Variants in GPAT4 observed in about 807,000 individuals in gnomAD.
GPAT4 encodes glycerol-3-phosphate acyltransferase 4.
In GPAT4, 17 loss-of-function variants were observed where a neutral mutation model predicts 58.0. The observed-to-expected ratio is 0.29, with a 90% CI of 0.20 to 0.44. The LOEUF (loss-of-function observed/expected upper bound fraction) is 0.44. GPAT4 is among the 20% of genes least tolerant of loss of function. The pLI is 1.00. For missense variants in GPAT4, 377 were observed against 574.5 expected (o/e 0.66, Z 3.51); for synonymous variants, 204 against 210.1 (o/e 0.97, Z 0.25).
chr8:41,609,593 CTG>C, intron 3 of GPAT4, 60 bp from the exon 4 acceptor site: 13 of 1,602,758 alleles, frequency 8.1e-6, no homozygotes, highest in Non-Finnish European at 1.1e-5. Flanking sequence ...GATGTGTGCT[CTG>C]AGTATGTCTC....
At chr8:41,607,972 C>G (rs1012491345) in intron 2 of GPAT4, among the ~76,000 whole-genome samples, 2 of 152,204 alleles carry the variant, frequency 1.3e-5, no homozygotes, top group African/African-American at 2.4e-5. Flanking sequence ...CACCTCTTCT[C>G]TAGTTCCAGG....
intron 2 of GPAT4, among the ~76,000 whole-genome samples, chr8:41,604,324 G>T (rs1456015428): frequency 6.6e-6 from 1 of 152,202 alleles, no homozygotes; most frequent in Non-Finnish European, 1.5e-5. Context: ...CCAGGAGAAA[G>T]TATTTGTGTA....
chr8:41,619,391 A>G (rs1803686931), intron 12 of GPAT4: 1 of 210,746 alleles, frequency 4.7e-6, no homozygotes, highest in African/African-American at 2.3e-5. Context: ...GTTACCTAAT[A>G]GAGCAGGATT....
intron 5 of GPAT4, among the ~76,000 whole-genome samples, chr8:41,611,061 A>G (rs529192062): frequency 6.6e-6 from 1 of 152,212 alleles, no homozygotes; most frequent in East Asian, 1.9e-4. Context: ...ACCTGTCTCT[A>G]CTAAAAATAC....
chr8:41,591,914 T>C (rs1012767527), intron 1 of GPAT4, among the ~76,000 whole-genome samples: 7 of 152,354 alleles, frequency 4.6e-5, no homozygotes, highest in African/African-American at 1.7e-4. Context: ...TCTGAGTTTC[T>C]TGCCAGGCCA....
chr8:41,610,686 CT>C, intron 4 of GPAT4, 49 bp from the exon 5 acceptor site: 1 of 1,595,904 alleles, frequency 6.3e-7, no homozygotes, highest in South Asian at 1.1e-5. Context: ...CAGTTCTGTA[CT>C]TGGTAGAATG....
At chr8:41,582,095 C>T (rs1802531306) in intron 1 of GPAT4, among the ~76,000 whole-genome samples, 2 of 146,730 alleles carry the variant, frequency 1.4e-5, no homozygotes, top group African/African-American at 5.1e-5. Context: ...TGCAACCCTC[C>T]ACCTCCTGAG....
In GPAT4 at chr8:41,623,775, A is replaced by G. The variant is rs1242512461; in HGVS notation, c.*2774A>G. ...TGCTCTCAGGCTGGGCAGTATCTTC[A>G]TTGTGGTTCTCAGACAGCCTTTTTT... On this transcript the variant is annotated 3_prime_UTR_variant, in exon 13 of 13. Transcript: ENST00000396987. 1 of 120,398 alleles carries G rather than the reference A, an allele frequency of 8.3e-6. No individual in the cohort carries two copies. Among genetic ancestry groups the G allele is most frequent in the Admixed American group, 8.3e-5 (1 of 12,070 alleles). The allele number at this position is 120,398 out of a possible 1,614,324, so 7.5% of individuals were successfully genotyped here. A position where few individuals can be genotyped will look rare whatever the true frequency, so the allele number is the denominator to read the frequency against.
intron 1 of GPAT4, among the ~76,000 whole-genome samples, chr8:41,579,543 A>G (rs1802454661): frequency 1.3e-5 from 2 of 152,196 alleles, no homozygotes; most frequent in Non-Finnish European, 2.9e-5. Flanking sequence ...GAACAGGTTA[A>G]AAGAAAAAGT....
chr8:41,585,209 T>C (rs74851515), intron 1 of GPAT4, among the ~76,000 whole-genome samples: 1 of 152,212 alleles, frequency 6.6e-6, no homozygotes, highest in Admixed American at 6.5e-5. Flanking sequence ...TACATTACAG[T>C]TGGGGCATTT....
rs529657561 is a variant in GPAT4, at chr8:41,612,107, T to C, written c.702-73T>C. 38 of 1,587,814 alleles carry C rather than the reference T, an allele frequency of 2.4e-5. No individual in the cohort carries two copies. The African/African-American group carries it at 4.0e-4, about 17-fold the overall frequency. On this transcript the variant is annotated intron_variant, in intron 6 of 12. Transcript: ENST00000396987. Reference sequence around the variant, plus strand: ...GCTTTTAGTTAGAGCAGATGAAGCATGTGAGGTGAGAGGTGTGTTACATGA... The same window carrying C: ...GCTTTTAGTTAGAGCAGATGAAGCACGTGAGGTGAGAGGTGTGTTACATGA...
Position 41,609,902 on chromosome 8 carries a change from G to T in GPAT4, c.483G>T (p.Thr161=), listed in dbSNP as rs201136934. Residue 161 remains threonine, a synonymous_variant, in exon 4 of 13, where the codon ACG becomes ACT. Transcript: ENST00000396987. The stretch of plus-strand genomic sequence containing the variant: ...TCCAGTACATCAGCCTTCGGCTCAC[G>T]GTCCTGTGGGGGTTAGGAGTGCTGA... ...YNFQYISLRL[T]VLWGLGVLIR... is the part of the protein sequence containing the mutation. 1.2e-6 allele frequency: 2 copies of T among 1,614,092 alleles called. No homozygotes were observed. Among genetic ancestry groups the T allele is most frequent in the East Asian group, 4.5e-5 (2 of 44,876 alleles).
chr8:41,605,482 A>G (rs534854700), intron 2 of GPAT4, among the ~76,000 whole-genome samples: 2 of 152,348 alleles, frequency 1.3e-5, no homozygotes, highest in Non-Finnish European at 2.9e-5. Context: ...AACACGGCGC[A>G]TGGAGGGAAT....
In GPAT4 at chr8:41,609,973, G is replaced by T. The variant is rs749360599; in HGVS notation, c.536+18G>T. ...CCGCTCAGGTGAGGCAGGGCCTGCG[G>T]GAGTGGGGCTCGCTGCTGCCACCCC... On this transcript the variant is annotated intron_variant, in intron 4 of 12. Coordinates refer to ENST00000396987, the MANE Select transcript of GPAT4 (RefSeq NM_178819.4). 2 of 1,578,692 alleles carry T rather than the reference G, an allele frequency of 1.3e-6. No individual in the cohort carries two copies. The highest frequency in any genetic ancestry group is 2.3e-5 in the South Asian group (2 of 85,252).
chr8:41,611,080 G>T (rs1337370478), intron 5 of GPAT4, among the ~76,000 whole-genome samples: 5 of 152,184 alleles, frequency 3.3e-5, no homozygotes, highest in Admixed American at 1.3e-4. Context: ...ACAAAAGTTA[G>T]CCAGGCACGG....
At chr8:41,620,769 C>T in intron 12 of GPAT4, 124 bp from the exon 13 acceptor site, 4 of 1,461,162 alleles carry the variant, frequency 2.7e-6, no homozygotes, top group Non-Finnish European at 3.7e-6. Flanking sequence ...GGTGAGAGTG[C>T]CACGGGGTAC....
chr8:41,612,234 C>T lies in GPAT4; in HGVS notation c.756C>T (p.Ile252=), dbSNP rs1192816648. The change falls in exon 7 of 13, where the codon ATC becomes ATT. Residue 252 remains isoleucine, a synonymous_variant. Coordinates refer to ENST00000396987, the MANE Select transcript of GPAT4 (RefSeq NM_178819.4). The stretch of plus-strand genomic sequence containing the variant: ...GTGTGGCCAATCATACCTCACCGAT[C>T]GATGTGATCATCTTGGCCAGCGATG... ...GICVANHTSP[I]DVIILASDGY... 3.1e-6 allele frequency: 5 copies of T among 1,614,220 alleles called. No individual in the cohort carries two copies. The highest frequency in any genetic ancestry group is 4.2e-6 in the Non-Finnish European group (5 of 1,180,046).
chr8:41,623,992 C>T lies in GPAT4; in HGVS notation c.*2991C>T, dbSNP rs1585683323. The T allele has an allele frequency of 6.6e-6, 1 of 152,356 alleles. No individual in the cohort carries two copies. The highest frequency in any genetic ancestry group is 2.1e-4 in the South Asian group (1 of 4,826). 9.4% of individuals were successfully genotyped at this position (152,356 alleles called of 1,614,324 possible). On this transcript the variant is annotated 3_prime_UTR_variant, in exon 13 of 13. Transcript: ENST00000396987. ...AGCTGAGATTACAGGCATGCACCAC[C>T]ACACCCAGCTAATTTTTTGTATTTA...
At chr8:41,595,926 T>TG (rs1321184075) in intron 1 of GPAT4, among the ~76,000 whole-genome samples, 19 of 149,310 alleles carry the variant, frequency 1.3e-4, no homozygotes, top group Non-Finnish European at 2.1e-4. Flanking sequence ...GGGGCAGGGG[T>TG]GGGGGGGTGT....
Sources: allele counts gnomAD v4.1 joint callset (sites outside exome capture counted in the v4.1 genomes callset), GRCh38; gene constraint gnomAD v4.1.1; transcripts MANE v1.5; gene names NCBI Gene and HGNC (gene_info 2026-07-23, HGNC 2026-07-21).